ZYG11B: variants seen among roughly 807,000 people sequenced by gnomAD.
ZYG11B encodes zyg-11 family member B, cell cycle regulator.
Under a neutral mutation model 82.4 loss-of-function variants are expected in ZYG11B, and 36 were observed. That is an observed-to-expected ratio of 0.44 (90% CI 0.33 to 0.58). The LOEUF is 0.58. ZYG11B is among the 20% of genes least tolerant of loss of function. The pLI is 0.02. For missense variants in ZYG11B, 552 were observed against 895.6 expected, an observed-to-expected ratio of 0.62 and a Z score of 4.90; for synonymous variants, 303 against 312.8, an observed-to-expected ratio of 0.97 and a Z score of 0.33.
chr1:52,812,013 A>C (rs1184208014), intron 10 of ZYG11B, among the ~76,000 whole-genome samples: 1 of 151,992 alleles, frequency 6.6e-6, no homozygotes, highest in Non-Finnish European at 1.5e-5. Context: ...CCTGGGCGAG[A>C]GCGAGACTCC....
In ZYG11B at chr1:52,825,650, T is replaced by C. The variant is rs2149971895; in HGVS notation, c.*4021T>C. ...TCTCCCCAGTCATCTTATTTGGCTA[T>C]GTTAAAAAAAAAAAAAAAAAAAAAG... On this transcript the variant is annotated 3_prime_UTR_variant, in exon 14 of 14. Transcript: ENST00000294353. 1.1e-5 allele frequency: 1 copy of C among 94,822 alleles called. No homozygotes were observed. Among genetic ancestry groups the C allele is most frequent in the Middle Eastern group, 5.3e-3 (1 of 188 alleles). 5.9% of individuals were successfully genotyped at this position (94,822 alleles called of 1,614,324 possible).
chr1:52,751,648 A>G (rs971108819), intron 1 of ZYG11B, among the ~76,000 whole-genome samples: 1 of 150,784 alleles, frequency 6.6e-6, no homozygotes, highest in Admixed American at 6.6e-5. Flanking sequence ...CACACAAAAA[A>G]CCCCCCAAAA....
chr1:52,802,647 G>A (rs1645086340), intron 10 of ZYG11B, among the ~76,000 whole-genome samples: 1 of 151,686 alleles, frequency 6.6e-6, no homozygotes, highest in Non-Finnish European at 1.5e-5. Context: ...TGCCTGGTCA[G>A]CAGTGGCAAT....
At position 52,825,101 on chromosome 1, in the gene ZYG11B, AAAT is replaced by A. The variant is rs1248889051; in HGVS notation, c.*3474_*3476del. 1.3e-5 allele frequency: 2 copies of A among 152,198 alleles called. No homozygotes were observed. Among genetic ancestry groups the A allele is most frequent in the African/African-American group, 4.8e-5 (2 of 41,442 alleles). The allele number at this position is 152,198 out of a possible 1,614,324, so 9.4% of individuals were successfully genotyped here. A position where few individuals can be genotyped will look rare whatever the true frequency, so the allele number is the denominator to read the frequency against. On this transcript the variant is annotated 3_prime_UTR_variant, in exon 14 of 14. Transcript: ENST00000294353. Reference sequence around the variant, plus strand: ...GGGCATAATGAGGAAAATTTTTAAAAAATAGATTATAATGATACATATTGGTAT... The same window carrying A: ...GGGCATAATGAGGAAAATTTTTAAAAAGATTATAATGATACATATTGGTAT...
chr1:52,769,614 A>T (rs1273189525), intron 2 of ZYG11B, among the ~76,000 whole-genome samples: 1 of 152,138 alleles, frequency 6.6e-6, no homozygotes, highest in East Asian at 1.9e-4. Context: ...ATTTTTGTCC[A>T]CTTTGGCAGG....
intron 1 of ZYG11B, among the ~76,000 whole-genome samples, chr1:52,727,601 G>A (rs1024032006): frequency 1.3e-5 from 2 of 152,120 alleles, no homozygotes; most frequent in African/African-American, 4.8e-5. Context: ...CAAATGATTT[G>A]TTTTCATTTG....
intron 2 of ZYG11B, among the ~76,000 whole-genome samples, chr1:52,766,580 AT>A (rs1558126289): frequency 6.6e-6 from 1 of 151,810 alleles, no homozygotes; most frequent in Non-Finnish European, 1.5e-5. Flanking sequence ...ATTCAGAGTA[AT>A]TTTTTATTGA....
At chr1:52,776,749 T>C (rs954662070) in intron 3 of ZYG11B, among the ~76,000 whole-genome samples, 24 of 152,304 alleles carry the variant, frequency 1.6e-4, no homozygotes, top group Middle Eastern at 3.4e-3. Flanking sequence ...TTTCAGCATT[T>C]TTTGTTTTTT....
At chr1:52,743,511 A>C (rs971271377) in intron 1 of ZYG11B, among the ~76,000 whole-genome samples, 2 of 151,896 alleles carry the variant, frequency 1.3e-5, no homozygotes, top group Non-Finnish European at 2.9e-5. Context: ...CAGGAGTTCG[A>C]GACCAGCCTG....
intron 13 of ZYG11B, among the ~76,000 whole-genome samples, chr1:52,821,075 G>A (rs1423042710): frequency 1.3e-5 from 2 of 149,530 alleles, no homozygotes; most frequent in South Asian, 4.2e-4. Flanking sequence ...GGGCAACAGG[G>A]CAAGACTCTG....
intron 3 of ZYG11B, 88 bp from the exon 4 acceptor site, chr1:52,779,765 C>T: frequency 6.5e-7 from 1 of 1,531,698 alleles, no homozygotes; most frequent in East Asian, 2.3e-5. Flanking sequence ...ACTGGGATTA[C>T]AGGCGTGAGC....
At chr1:52,762,000 T>A (rs1644635800) in intron 2 of ZYG11B, among the ~76,000 whole-genome samples, 1 of 152,202 alleles carries the variant, frequency 6.6e-6, no homozygotes, top group South Asian at 2.1e-4. Flanking sequence ...ATTTGCCCAC[T>A]TTTAAATTGG....
intron 7 of ZYG11B, 129 bp from the exon 8 acceptor site, chr1:52,796,605 C>T: frequency 1.1e-6 from 1 of 911,388 alleles, no homozygotes; most frequent in East Asian, 2.8e-5. Flanking sequence ...CTCCCAAAAA[C>T]CGATATGCAG....
chr1:52,809,529 A>G (rs1359494337), intron 10 of ZYG11B, among the ~76,000 whole-genome samples: 1 of 152,196 alleles, frequency 6.6e-6, no homozygotes, highest in East Asian at 1.9e-4. Context: ...TTTATGGGGT[A>G]TAGTTCCAGA....
chr1:52,783,412 G>A (rs1340997755), intron 4 of ZYG11B, among the ~76,000 whole-genome samples: 6 of 152,040 alleles, frequency 3.9e-5, no homozygotes, highest in Non-Finnish European at 8.8e-5. Flanking sequence ...TAGGAGGGGT[G>A]AACAGCTTCC....
intron 1 of ZYG11B, among the ~76,000 whole-genome samples, chr1:52,736,010 A>T (rs988611182): frequency 2.0e-5 from 3 of 152,216 alleles, no homozygotes. Flanking sequence ...ATGCATTAAA[A>T]ATATCAAGAT....
chr1:52,808,440 TC>T lies in ZYG11B; in HGVS notation c.1696-5095del, dbSNP rs138680725. Among the ~76,000 whole-genome samples the T allele has an allele frequency of 9.2e-3, 1,395 of 152,356 alleles. 22 individuals carry two copies. The highest frequency in any genetic ancestry group is 0.032 in the African/African-American group (1,344 of 41,580). The stretch of plus-strand genomic sequence containing the variant: ...TATATGTGTCTTGATGTAATTAACT[TC>T]ATGTTTCCTATATTTGGGATTTATT... On this transcript the variant is annotated intron_variant, in intron 10 of 13. Coordinates refer to ENST00000294353, the MANE Select transcript of ZYG11B (RefSeq NM_024646.3).
intron 3 of ZYG11B, among the ~76,000 whole-genome samples, chr1:52,777,039 G>A (rs773467862): frequency 1.3e-5 from 2 of 151,898 alleles, no homozygotes; most frequent in African/African-American, 2.4e-5. Context: ...ACGAAATCCC[G>A]TCTCTACTAA....
At chr1:52,790,799 T>A (rs1644952262) in intron 6 of ZYG11B, among the ~76,000 whole-genome samples, 1 of 98,362 alleles carries the variant, frequency 1.0e-5, no homozygotes, top group Admixed American at 1.2e-4. Flanking sequence ...TTTTGTAACA[T>A]GTCTGTTATT....
Sources: allele counts gnomAD v4.1 joint callset (sites outside exome capture counted in the v4.1 genomes callset), GRCh38; gene constraint gnomAD v4.1.1; transcripts MANE v1.5; gene names NCBI Gene and HGNC (gene_info 2026-07-23, HGNC 2026-07-21).